FOXP1: variants seen among roughly 807,000 people sequenced by gnomAD.
FOXP1 encodes the protein forkhead box P1, also known as forkhead box protein P1.
In FOXP1, 15 loss-of-function variants were observed where a neutral mutation model predicts 98.2. The observed-to-expected ratio is 0.15, with a 90% confidence interval of 0.10 to 0.24. FOXP1 has a LOEUF of 0.24. Ranked by LOEUF, FOXP1 falls within the 10% of genes least tolerant of loss-of-function variation. FOXP1 has a pLI of 1.00. For synonymous variants in FOXP1, 371 were observed against 314.5 expected (o/e 1.18, Z -1.90); for missense variants, 633 against 848.5 (o/e 0.75, Z 3.15).
At chr3:71,489,543 C>A (rs527442706) in intron 3 of FOXP1, among the ~76,000 whole-genome samples, 1 of 152,296 alleles carries the variant, frequency 6.6e-6, no homozygotes, top group Admixed American at 6.5e-5. Flanking sequence ...TGGCTAACTG[C>A]CGATTAAATA....
intron 5 of FOXP1, among the ~76,000 whole-genome samples, chr3:71,278,288 T>G (rs759314882): frequency 1.3e-5 from 2 of 152,156 alleles, no homozygotes; most frequent in Non-Finnish European, 2.9e-5. Flanking sequence ...AAGTCTTAGA[T>G]AAATTAAAAA....
chr3:71,491,189 T>C (rs2091037509), intron 3 of FOXP1, among the ~76,000 whole-genome samples: 1 of 152,140 alleles, frequency 6.6e-6, no homozygotes, highest in Non-Finnish European at 1.5e-5. Context: ...CTAACTTTTG[T>C]ATTTTTGGGA....
At chr3:71,534,237 C>A (rs1187827987) in intron 2 of FOXP1, among the ~76,000 whole-genome samples, 1 of 152,172 alleles carries the variant, frequency 6.6e-6, no homozygotes, top group Admixed American at 6.5e-5. Context: ...GTGGCGTACG[C>A]CTGTAATCCC....
intron 2 of FOXP1, among the ~76,000 whole-genome samples, chr3:71,578,964 G>A (rs2047934614): frequency 6.6e-6 from 1 of 152,124 alleles, no homozygotes; most frequent in South Asian, 2.1e-4. Context: ...GCATCCATGT[G>A]TATGTTTAAC....
intron 5 of FOXP1, among the ~76,000 whole-genome samples, chr3:71,278,335 T>A (rs558163938): frequency 6.6e-6 from 1 of 152,366 alleles, no homozygotes; most frequent in South Asian, 2.1e-4. Context: ...GTTCTCCATC[T>A]TTCCCTCCTT....
chr3:71,242,764 G>GA (rs56035810), intron 5 of FOXP1, among the ~76,000 whole-genome samples: 41 of 140,326 alleles, frequency 2.9e-4, no homozygotes, highest in African/African-American at 5.7e-4. Flanking sequence ...GCCCAAAAAG[G>GA]AAAAAAAAAA....
chr3:71,544,498 A>G (rs1029758489), intron 2 of FOXP1, among the ~76,000 whole-genome samples: 7 of 152,224 alleles, frequency 4.6e-5, no homozygotes, highest in Admixed American at 1.3e-4. Flanking sequence ...CAAAGAAAAA[A>G]GGAAGATGAG....
intron 12 of FOXP1, among the ~76,000 whole-genome samples, chr3:71,003,457 T>C (rs2107632270): frequency 6.6e-6 from 1 of 152,180 alleles, no homozygotes; most frequent in Non-Finnish European, 1.5e-5. Flanking sequence ...AGCAGTTAAT[T>C]ATGTCATCAA....
In FOXP1 at chr3:71,583,654, CCGCGCACACACTCACT is replaced by C. The variant is rs2048371118; in HGVS notation, c.-546_-531del. On this transcript the variant is annotated 5_prime_UTR_variant, in exon 1 of 21. Transcript: ENST00000649528. ...GCCCACTCCCGCCCGCGCGCGCACC[CCGCGCACACACTCACT>C]CGCGCACACACGCGCGCACACACGC... The C allele has an allele frequency of 4.1e-6, 4 of 984,806 alleles. No individual in the cohort carries two copies. Among genetic ancestry groups the C allele is most frequent in the East Asian group, 1.1e-4 (1 of 8,730 alleles). The allele number at this position is 984,806 out of a possible 1,614,324, so 61.0% of individuals were successfully genotyped here. A position where few individuals can be genotyped will look rare whatever the true frequency, so the allele number is the denominator to read the frequency against.
At chr3:71,216,991 G>T (rs1183171593) in intron 5 of FOXP1, among the ~76,000 whole-genome samples, 1 of 152,116 alleles carries the variant, frequency 6.6e-6, no homozygotes, top group African/African-American at 2.4e-5. Flanking sequence ...AAATTACCTG[G>T]TCCACGCATC....
chr3:71,540,531 G>C (rs1431699788), intron 2 of FOXP1, among the ~76,000 whole-genome samples: 3 of 152,162 alleles, frequency 2.0e-5, no homozygotes, highest in Non-Finnish European at 4.4e-5. Context: ...CTTTCGTTAA[G>C]GACAAGAATA....
At chr3:71,550,300 G>A (rs1355611364) in intron 2 of FOXP1, among the ~76,000 whole-genome samples, 6 of 152,148 alleles carry the variant, frequency 3.9e-5, no homozygotes, top group African/African-American at 1.4e-4. Context: ...ACAAAACCAC[G>A]TAGGTCTCAA....
intron 4 of FOXP1, among the ~76,000 whole-genome samples, chr3:71,312,247 C>T (rs938681692): frequency 2.6e-5 from 4 of 152,222 alleles, no homozygotes; most frequent in African/African-American, 9.6e-5. Flanking sequence ...GTTCAACAAG[C>T]TCAGCATCTG....
In FOXP1 at chr3:70,955,124, G is replaced by T. The variant is rs1180316835; in HGVS notation, c.*4123C>A. On this transcript the variant is annotated 3_prime_UTR_variant, in exon 21 of 21. Coordinates refer to ENST00000649528, the MANE Select transcript of FOXP1 (RefSeq NM_001349338.3). ...GTCATTAACCAAAAGGTACCAAAAA[G>T]ATTCAAAATCTGAATAAGCACACTC... 1 of 232,096 alleles carries T rather than the reference G, an allele frequency of 4.3e-6. No individual in the cohort carries two copies. Among genetic ancestry groups the T allele is most frequent in the Non-Finnish European group, 8.5e-6 (1 of 117,446 alleles). 14.4% of individuals were successfully genotyped at this position (232,096 alleles called of 1,614,324 possible).
At chr3:71,099,158 T>C (rs545852610) in intron 7 of FOXP1, among the ~76,000 whole-genome samples, 1 of 152,174 alleles carries the variant, frequency 6.6e-6, no homozygotes, top group South Asian at 2.1e-4. Context: ...ATTTGAAAAA[T>C]GGCCAGTACC....
At chr3:71,297,997 C>A (rs2107544878) in intron 5 of FOXP1, among the ~76,000 whole-genome samples, 1 of 152,242 alleles carries the variant, frequency 6.6e-6, no homozygotes, top group East Asian at 1.9e-4. Context: ...TGAGGAGCAT[C>A]TTGGATTGAG....
intron 2 of FOXP1, among the ~76,000 whole-genome samples, chr3:71,509,970 G>C (rs538347332): frequency 2.0e-5 from 3 of 151,796 alleles, no homozygotes; most frequent in Non-Finnish European, 2.9e-5. Flanking sequence ...CCTGAGGTCA[G>C]GAGTTGGAGA....
intron 19 of FOXP1, among the ~76,000 whole-genome samples, chr3:70,967,687 G>GTTTTTTTTT (rs67711426): frequency 4.1e-4 from 25 of 61,334 alleles, no homozygotes; most frequent in Non-Finnish European, 5.6e-4. Context: ...ACTATTATTT[G>GTTTTTTTTT]TTTTTTTTTT....
chr3:71,532,206 C>T (rs1205392313), intron 2 of FOXP1, among the ~76,000 whole-genome samples: 2 of 152,176 alleles, frequency 1.3e-5, no homozygotes, highest in East Asian at 3.9e-4. Context: ...CTCAAGCAAT[C>T]CTCCCGCCTC....
Sources: gnomAD v4.1 joint callset for allele counts (sites outside exome capture counted in the v4.1 genomes callset) on GRCh38, gnomAD v4.1.1 for gene constraint, MANE v1.5 for transcripts, NCBI Gene and HGNC (gene_info 2026-07-23, HGNC 2026-07-21) for gene names.